The following CDKL4 variants were observed in gnomAD, a reference collection of about 807,000 sequenced individuals.
The protein encoded by CDKL4 is cyclin dependent kinase like 4.
CDKL4 carries 44 observed loss-of-function variants against 42.0 expected under a neutral mutation model. The ratio of observed to expected loss-of-function variants is 1.05; its 90% CI spans 0.82 to 1.35. The LOEUF (loss-of-function observed/expected upper bound fraction) is 1.35, where lower values mean the gene tolerates loss of function less well. Ranked by LOEUF, CDKL4 falls within the 40% of genes most tolerant of loss-of-function variation. The probability of loss-of-function intolerance (pLI) is 0.00; values close to 1 mark genes in which losing one functional copy is unlikely to be tolerated. For synonymous variants in CDKL4, 120 were observed against 121.6 expected (o/e 0.99, Z 0.09); for missense variants, 393 against 369.9 (o/e 1.06, Z -0.51).
At chr2:39,203,752 G>A (rs1437422641) in intron 5 of CDKL4, among the ~76,000 whole-genome samples, 2 of 152,160 alleles carry the variant, frequency 1.3e-5, no homozygotes, top group African/African-American at 4.8e-5. Context: ...TAGTTTTCCA[G>A]TGTTTGTCTA....
intron 8 of CDKL4, among the ~76,000 whole-genome samples, chr2:39,181,974 C>T (rs1272492007): frequency 2.0e-5 from 3 of 151,876 alleles, no homozygotes; most frequent in Admixed American, 6.6e-5. Flanking sequence ...TGAATTTATT[C>T]ACGTTGATTT....
chr2:39,186,710 T>C (rs1250199088), intron 7 of CDKL4, among the ~76,000 whole-genome samples: 2 of 152,156 alleles, frequency 1.3e-5, no homozygotes, highest in Non-Finnish European at 2.9e-5. Flanking sequence ...TTTGATTGAT[T>C]TGAGCTTTGT....
In CDKL4 at chr2:39,185,401, T is replaced by C. The variant is rs187688495; in HGVS notation, c.736-754A>G. Among the ~76,000 whole-genome samples, 22 of 5,438 alleles carry C rather than the reference T, an allele frequency of 4.0e-3. 5 individuals are homozygous for C. The highest frequency in any genetic ancestry group is 6.0e-3 in the African/African-American group (16 of 2,676). The allele number at this position is 5,438 out of a possible 152,430, so 3.6% of individuals were successfully genotyped here. A position where few individuals can be genotyped will look rare whatever the true frequency, so the allele number is the denominator to read the frequency against. ...ATGTATATATACATGTATATATACA[T>C]ATGTGTATATATACATATATATATA... On this transcript the variant is annotated intron_variant, in intron 7 of 9. Coordinates refer to ENST00000451199, the Ensembl canonical transcript of CDKL4.
intron 5 of CDKL4, among the ~76,000 whole-genome samples, chr2:39,191,431 G>T (rs896658819): frequency 6.6e-6 from 1 of 152,224 alleles, no homozygotes; most frequent in South Asian, 2.1e-4. Context: ...TAGAGACATG[G>T]AAGGGGCCTC....
intron 4 of CDKL4, among the ~76,000 whole-genome samples, chr2:39,209,644 C>T (rs1027628369): frequency 2.6e-5 from 4 of 152,170 alleles, no homozygotes; most frequent in African/African-American, 9.7e-5. Flanking sequence ...GTTGGAGTAG[C>T]AAGGCCTGAA....
At chr2:39,199,145 G>T (rs1676696472) in intron 5 of CDKL4, among the ~76,000 whole-genome samples, 1 of 152,016 alleles carries the variant, frequency 6.6e-6, no homozygotes, top group African/African-American at 2.4e-5. Context: ...AATTAGAAAT[G>T]AAACAGGAGA....
rs73922850 is a variant in CDKL4 at position 39,222,006 on chromosome 2, A to T, written c.290+3833T>A. 8.6e-3 allele frequency among the ~76,000 whole-genome samples: 1,313 copies of T among 152,326 alleles called. 23 individuals are homozygous for T. Among genetic ancestry groups the T allele is most frequent in the African/African-American group, 0.029 (1,225 of 41,582 alleles). On this transcript the variant is annotated intron_variant, in intron 3 of 9. Transcript: ENST00000451199. ...AGCTTCTTGAGGGCAGGACTGTATCATTATAACTGTATCCTCTGCACCAGT... is the reference window on the plus strand; with the variant it reads ...AGCTTCTTGAGGGCAGGACTGTATCTTTATAACTGTATCCTCTGCACCAGT...
chr2:39,186,875 T>G (rs1675859234), intron 7 of CDKL4, among the ~76,000 whole-genome samples: 1 of 152,180 alleles, frequency 6.6e-6, no homozygotes, highest in South Asian at 2.1e-4. Context: ...ACTAAATATA[T>G]TTTCACTTTA....
At chr2:39,195,645 T>A (rs906368453) in intron 5 of CDKL4, among the ~76,000 whole-genome samples, 27 of 148,614 alleles carry the variant, frequency 1.8e-4, no homozygotes, top group East Asian at 1.9e-4. Context: ...TAATTAATTT[T>A]TTTTTTTTTT....
At chr2:39,172,137 C>T (rs931901406), downstream of CDKL4, among the ~76,000 whole-genome samples, 6 of 151,848 alleles carry the variant, frequency 4.0e-5, no homozygotes, top group African/African-American at 1.5e-4. Flanking sequence ...GGTGAAACCC[C>T]ATCTCTACTA....
exon 4 of CDKL4, chr2:39,213,436 T>C (rs886522549): frequency 1.9e-6 from 3 of 1,611,584 alleles, no homozygotes; most frequent in Non-Finnish European, 2.5e-6. Flanking sequence ...CTTGAAGTGT[T>C]TGCCATAATA....
At chr2:39,185,368 A>G (rs1282611836) in intron 7 of CDKL4, among the ~76,000 whole-genome samples, 3 of 95,038 alleles carry the variant, frequency 3.2e-5, no homozygotes, top group South Asian at 3.1e-4. Flanking sequence ...ATACATATAT[A>G]TATACATATG....
chr2:39,183,710 C>T (rs1294950926), intron 8 of CDKL4, among the ~76,000 whole-genome samples: 1 of 152,084 alleles, frequency 6.6e-6, no homozygotes, highest in Non-Finnish European at 1.5e-5. Context: ...TAGGACAGGA[C>T]CTGCTGAGTG....
intron 8 of CDKL4, among the ~76,000 whole-genome samples, chr2:39,181,080 T>C (rs899308189): frequency 6.6e-6 from 1 of 152,232 alleles, no homozygotes; most frequent in Non-Finnish European, 1.5e-5. Context: ...AAGTGGCTCT[T>C]GTTATTAATA....
At chr2:39,236,977 A>G (rs1315822260) in intron 1 of CDKL4, among the ~76,000 whole-genome samples, 2 of 152,222 alleles carry the variant, frequency 1.3e-5, no homozygotes. Context: ...AAAAATTAGT[A>G]TCAATCCTTT....
At chr2:39,245,201 CT>C (rs1679860440), upstream of CDKL4, among the ~76,000 whole-genome samples, 1 of 152,200 alleles carries the variant, frequency 6.6e-6, no homozygotes, top group Non-Finnish European at 1.5e-5. Context: ...GTCCACGCCG[CT>C]TTTATGAGTT....
chr2:39,213,307 T>G (rs751518467), intron 4 of CDKL4, 93 bp downstream of exon 4: 1 of 832,258 alleles, frequency 1.2e-6, no homozygotes, highest in Non-Finnish European at 1.9e-6. Context: ...TACTTTCCCT[T>G]TGTCTTCAGC....
rs536334241 is a variant in CDKL4, at chr2:39,240,328, G to A, written c.-57+3543C>T. Among the ~76,000 whole-genome samples, 26 of 151,406 alleles carry A rather than the reference G, an allele frequency of 1.7e-4. No homozygotes were observed. The South Asian group carries it at 3.8e-3, about 22-fold the overall frequency. On this transcript the variant is annotated intron_variant, in intron 1 of 9. Coordinates refer to ENST00000451199, the Ensembl canonical transcript of CDKL4. Reference sequence around the variant, plus strand: ...GTAATCCCAGGTACTCGGGAGGCAGGAGAATTGCTTGAACCCAGGAGGCAG... The same window carrying A: ...GTAATCCCAGGTACTCGGGAGGCAGAAGAATTGCTTGAACCCAGGAGGCAG...
exon 2 of CDKL4, chr2:39,229,455 A>G: frequency 1.9e-6 from 3 of 1,613,614 alleles, no homozygotes; most frequent in Non-Finnish European, 2.5e-6. Context: ...CTACTTGTCC[A>G]GAGGTTTTGT....
Sources: allele counts gnomAD v4.1 joint callset (sites outside exome capture counted in the v4.1 genomes callset), GRCh38; gene constraint gnomAD v4.1.1; transcripts MANE v1.5; gene names NCBI Gene and HGNC (gene_info 2026-07-23, HGNC 2026-07-21).